HYDIN: variants seen among roughly 807,000 people sequenced by gnomAD.
The protein encoded by HYDIN is HYDIN axonemal central pair apparatus protein, also known as axonemal central pair apparatus protein HYDIN.
Under a neutral mutation model 403.9 loss-of-function variants are expected in HYDIN, and 132 were observed. That is an observed-to-expected ratio of 0.33 (90% CI 0.28 to 0.38). The LOEUF is 0.38. HYDIN is among the 10% of genes least tolerant of loss of function. The probability of loss-of-function intolerance (pLI) is 1.00; values close to 1 mark genes in which losing one functional copy is unlikely to be tolerated. For synonymous variants in HYDIN, 1,202 were observed against 1,891.7 expected, an observed-to-expected ratio of 0.64 and a Z score of 9.46; for missense variants, 2,827 against 5,009.5, an observed-to-expected ratio of 0.56 and a Z score of 13.15.
rs1597180488 is a variant in HYDIN at position 70,872,057 on chromosome 16, T to C, written c.11071A>G (p.Thr3691Ala). The change falls in exon 65 of 86, where the codon ACA becomes GCA. Residue 3691 changes from threonine (T) to alanine (A), a missense_variant. By Grantham distance (58) the Thr-to-Ala change is moderately conservative. Transcript: ENST00000393567. ...TTTACCTGTGGGGAGAAAGCAATTG[T>C]AGCTGAAACAGGCCATTCAAACCGT... ...LIRFEWPVSA[T>A]IAFSPQMGHL... 6.3e-7 allele frequency: 1 copy of C among 1,595,928 alleles called. No homozygotes were observed. Among genetic ancestry groups the C allele is most frequent in the Non-Finnish European group, 8.5e-7 (1 of 1,172,504 alleles).
intron 53 of HYDIN, among the ~76,000 whole-genome samples, chr16:70,896,656 G>GC (rs769404305): frequency 1.6e-5 from 2 of 125,718 alleles, no homozygotes; most frequent in African/African-American, 6.0e-5. Context: ...ATGCCCAACT[G>GC]TTTTTTTTTT....
At chr16:71,020,490 T>C (rs2144125156) in intron 21 of HYDIN, among the ~76,000 whole-genome samples, 173 bp from the exon 22 acceptor site, 1 of 152,256 alleles carries the variant, frequency 6.6e-6, no homozygotes, top group South Asian at 2.1e-4. Context: ...ATACATACAT[T>C]TTTCTCCCTT....
chr16:71,017,771 GTA>G (rs2080313167), intron 23 of HYDIN, among the ~76,000 whole-genome samples: 1 of 151,214 alleles, frequency 6.6e-6, no homozygotes, highest in East Asian at 1.9e-4. Flanking sequence ...TTGTTAAGTT[GTA>G]TATATATTAC....
chr16:71,172,908 A>G (rs867291780), intron 5 of HYDIN, among the ~76,000 whole-genome samples: 1 of 152,224 alleles, frequency 6.6e-6, no homozygotes, highest in African/African-American at 2.4e-5. Flanking sequence ...TATTTTTCCT[A>G]AAATAAATCT....
At chr16:71,173,540 T>A (rs1385392639) in intron 5 of HYDIN, among the ~76,000 whole-genome samples, 3 of 152,208 alleles carry the variant, frequency 2.0e-5, no homozygotes, top group African/African-American at 7.2e-5. Context: ...CTTTTGATTA[T>A]GGAAAATTTA....
In HYDIN at chr16:71,139,580, C is replaced by T. The variant is rs113784289; in HGVS notation, c.842-2228G>A. ...GAAAAAAGCCACACTCTAGGACCTA[C>T]AGAAATAAAATAGTCTAAATTAGAA... is the stretch of plus-strand genomic sequence containing the variant. On this transcript the variant is annotated intron_variant, in intron 7 of 85. Coordinates refer to ENST00000393567, the MANE Select transcript of HYDIN (RefSeq NM_001270974.2). Among the ~76,000 whole-genome samples the T allele has an allele frequency of 8.5e-3, 1,286 of 151,458 alleles. 18 individuals are homozygous for T. The highest frequency in any genetic ancestry group is 0.03 in the African/African-American group (1,221 of 41,336).
At chr16:70,961,349 G>A (rs2078413692) in intron 38 of HYDIN, among the ~76,000 whole-genome samples, 1 of 152,014 alleles carries the variant, frequency 6.6e-6, no homozygotes. Context: ...TGGTTGATGA[G>A]GGCTATGAAT....
intron 1 of HYDIN, among the ~76,000 whole-genome samples, chr16:71,201,828 G>A (rs171012): frequency 0.18 from 26,879 of 152,212 alleles, 2,970 homozygotes; most frequent in Middle Eastern, 0.38. Flanking sequence ...TGACACAAGT[G>A]TCATCTGAGC....
chr16:70,835,846 G>C lies in HYDIN; in HGVS notation c.13243-12C>G, dbSNP rs200484304. On this transcript the variant is annotated splice_polypyrimidine_tract_variant and intron_variant, in intron 77 of 85. Transcript: ENST00000393567. ...TCTAGGACTAAAATCTGTGGGACAA[G>C]AAAGAGTAGGAAGAAGAGTTCATTA... The C allele has an allele frequency of 6.3e-6, 4 of 636,868 alleles. No individual in the cohort carries two copies. Among genetic ancestry groups the C allele is most frequent in the Non-Finnish European group, 1.1e-5 (4 of 359,578 alleles). The allele number at this position is 636,868 out of a possible 1,614,324, so 39.5% of individuals were successfully genotyped here.
At chr16:71,002,569 T>A (rs2079754260) in intron 23 of HYDIN, among the ~76,000 whole-genome samples, 3 of 151,636 alleles carry the variant, frequency 2.0e-5, no homozygotes, top group African/African-American at 7.3e-5. Context: ...AAAAAAAAAT[T>A]CTTCCTTATT....
intron 1 of HYDIN, among the ~76,000 whole-genome samples, chr16:71,224,328 T>C (rs1185278062): frequency 6.6e-6 from 1 of 152,142 alleles, no homozygotes; most frequent in Non-Finnish European, 1.5e-5. Flanking sequence ...AGACTACATA[T>C]TGGGCATAGT....
At chr16:70,863,647 A>G (rs1460412925) in intron 67 of HYDIN, among the ~76,000 whole-genome samples, 1 of 152,174 alleles carries the variant, frequency 6.6e-6, no homozygotes, top group Non-Finnish European at 1.5e-5. Flanking sequence ...AGGCCAAGGC[A>G]GGCAGCTCAC....
In HYDIN at chr16:70,850,500, C is replaced by T; in HGVS notation, c.12599G>A (p.Gly4200Asp). The T allele has an allele frequency of 6.2e-7, 1 of 1,603,234 alleles. No individual in the cohort carries two copies. The highest frequency in any genetic ancestry group is 8.5e-7 in the Non-Finnish European group (1 of 1,173,964). Residue 4200 changes from glycine (G) to aspartate (D), a missense_variant, in exon 74 of 86, where the codon GGC (glycine) becomes GAC (aspartate). Coordinates refer to ENST00000393567, the MANE Select transcript of HYDIN (RefSeq NM_001270974.2). ...GTTGGGAGTCAACAGAGTGATGGAG[C>T]CTGTCCTGTCCTTGCACTTGATCTC... Reference protein sequence around the residue: ...NVEIKCKDRTGSITLLTPNQT... With the variant: ...NVEIKCKDRTDSITLLTPNQT...
At chr16:71,158,587 T>C (rs1162515899) in intron 6 of HYDIN, among the ~76,000 whole-genome samples, 1 of 142,380 alleles carries the variant, frequency 7.0e-6, no homozygotes, top group Non-Finnish European at 1.5e-5. Flanking sequence ...GATTCTTTTT[T>C]TCATAGAAAA....
At chr16:71,012,225 A>C (rs1304328885) in intron 23 of HYDIN, among the ~76,000 whole-genome samples, 2 of 152,296 alleles carry the variant, frequency 1.3e-5, no homozygotes, top group Admixed American at 1.3e-4. Context: ...GTTAGACTGA[A>C]GAGATGGACC....
At chr16:70,901,575 A>C (rs1597268431) in intron 52 of HYDIN, among the ~76,000 whole-genome samples, 2 of 136,604 alleles carry the variant, frequency 1.5e-5, no homozygotes, top group Admixed American at 7.6e-5. Context: ...CTTAGCATAT[A>C]TTTTCTTTCT....
chr16:71,096,803 T>G lies in HYDIN; in HGVS notation c.1328-2868A>C, dbSNP rs998631044. Among the ~76,000 whole-genome samples, 7 of 106,550 alleles carry G rather than the reference T, an allele frequency of 6.6e-5. 2 individuals carry two copies. The highest frequency in any genetic ancestry group is 1.1e-4 in the African/African-American group (2 of 17,648). 69.9% of individuals were successfully genotyped at this position (106,550 alleles called of 152,430 possible). Reference sequence around the variant, plus strand: ...TTTTCTAGCAGATTGTCTTACCTCCTCATGTGCTTGGTCATTTTTTGATTG... The same window carrying G: ...TTTTCTAGCAGATTGTCTTACCTCCGCATGTGCTTGGTCATTTTTTGATTG... On this transcript the variant is annotated intron_variant, in intron 10 of 85. Transcript: ENST00000393567.
intron 5 of HYDIN, among the ~76,000 whole-genome samples, chr16:71,172,256 C>G (rs1221270289): frequency 6.6e-6 from 1 of 152,210 alleles, no homozygotes; most frequent in Non-Finnish European, 1.5e-5. Context: ...ATGCTTTCTT[C>G]AAAGCTTGCT....
intron 36 of HYDIN, among the ~76,000 whole-genome samples, chr16:70,969,531 C>T (rs2143978432): frequency 6.6e-6 from 1 of 150,856 alleles, no homozygotes; most frequent in East Asian, 2.0e-4. Context: ...ATCCAGTGAG[C>T]AAATCCTTCA....
Sources: allele counts gnomAD v4.1 joint callset (sites outside exome capture counted in the v4.1 genomes callset), GRCh38; gene constraint gnomAD v4.1.1; transcripts MANE v1.5; gene names NCBI Gene and HGNC (gene_info 2026-07-23, HGNC 2026-07-21).